Variants in CSMD1 observed in about 807,000 individuals in gnomAD.
CSMD1 encodes the protein CUB and sushi domain-containing protein 1.
A neutral mutation model predicts 417.5 loss-of-function variants in CSMD1; 213 were observed. The ratio of observed to expected loss-of-function variants is 0.51; its 90% CI spans 0.46 to 0.57. The LOEUF is 0.57. Among genes scored for constraint, CSMD1 ranks in the 20% least tolerant of loss-of-function variants. CSMD1 has a pLI of 0.00. For missense variants in CSMD1, 6,923 were observed against 4,529.7 expected (o/e 1.53, Z -15.17); for synonymous variants, 2,862 against 1,736.8 (o/e 1.65, Z -16.11).
intron 7 of CSMD1, among the ~76,000 whole-genome samples, chr8:3,641,990 T>G (rs990420734): frequency 6.6e-6 from 1 of 152,004 alleles, no homozygotes; most frequent in African/African-American, 2.4e-5. Flanking sequence ...TCCTAAGAGA[T>G]TAGCAGCCCC....
chr8:4,446,617 G>A (rs867264597), intron 2 of CSMD1, among the ~76,000 whole-genome samples: 3 of 152,076 alleles, frequency 2.0e-5, no homozygotes, highest in East Asian at 1.9e-4. Context: ...GCAGCAGCGC[G>A]ATCTCAGCTC....
chr8:4,929,411 C>G (rs894256309), intron 1 of CSMD1, among the ~76,000 whole-genome samples: 4 of 152,162 alleles, frequency 2.6e-5, no homozygotes, highest in African/African-American at 9.7e-5. Flanking sequence ...AACAGATATT[C>G]AAGAAATAGG....
chr8:3,311,255 C>A (rs747781269), intron 23 of CSMD1, among the ~76,000 whole-genome samples: 5 of 151,930 alleles, frequency 3.3e-5, no homozygotes, highest in African/African-American at 4.8e-5. Context: ...TAATAACAAA[C>A]AACTTTTTTT....
chr8:4,750,001 AAT>A (rs144819102), intron 1 of CSMD1, among the ~76,000 whole-genome samples: 2,102 of 151,854 alleles, frequency 0.014, 63 homozygotes, highest in African/African-American at 0.049. Context: ...TTGAAAAAAA[AAT>A]AATAATTATT....
intron 3 of CSMD1, among the ~76,000 whole-genome samples, chr8:4,329,276 G>C (rs1799732068): frequency 6.6e-6 from 1 of 152,100 alleles, no homozygotes; most frequent in South Asian, 2.1e-4. Context: ...TTACTAAAAT[G>C]CTTGAACAAA....
chr8:3,752,959 A>C (rs1005454560), intron 6 of CSMD1, among the ~76,000 whole-genome samples: 2 of 152,260 alleles, frequency 1.3e-5, no homozygotes, highest in African/African-American at 4.8e-5. Context: ...AAATTACTAA[A>C]ATCTCCAGCA....
At chr8:4,132,804 G>C (rs771461837) in intron 3 of CSMD1, among the ~76,000 whole-genome samples, 1 of 152,166 alleles carries the variant, frequency 6.6e-6, no homozygotes, top group African/African-American at 2.4e-5. Flanking sequence ...TGAATGTAAA[G>C]AAGAATTGAT....
intron 5 of CSMD1, among the ~76,000 whole-genome samples, chr8:3,984,489 G>C (rs1179338776): frequency 6.6e-6 from 1 of 151,746 alleles, no homozygotes; most frequent in African/African-American, 2.4e-5. Context: ...ATTAAATAAT[G>C]ACTAGCTCAT....
At chr8:4,530,194 C>T (rs1257770302) in intron 2 of CSMD1, among the ~76,000 whole-genome samples, 20 of 151,878 alleles carry the variant, frequency 1.3e-4, no homozygotes, top group South Asian at 1.0e-3. Flanking sequence ...ATTACAGGCA[C>T]GAGCCACCGC....
Position 2,951,150 on chromosome 8 carries a change from A to T in CSMD1, c.10165T>A (p.Phe3389Ile). ...NATSSKVNATFSEASPVELKL... is the reference protein window; with the variant it reads ...NATSSKVNATISEASPVELKL... Reference sequence around the variant, plus strand: ...AGCTCCACTGGCGAGGCTTCGCTGAAGGTGGCATTCACCTTACTGCTTGTT... The same window carrying T: ...AGCTCCACTGGCGAGGCTTCGCTGATGGTGGCATTCACCTTACTGCTTGTT... The change falls in exon 66 of 70, where the codon TTC becomes ATC. Residue 3389 changes from phenylalanine (F) to isoleucine (I), a missense_variant. Transcript: ENST00000635120. The T allele has an allele frequency of 6.2e-7, 1 of 1,613,606 alleles. No individual in the cohort carries two copies. Among genetic ancestry groups the T allele is most frequent in the Non-Finnish European group, 8.5e-7 (1 of 1,179,662 alleles).
chr8:4,305,117 A>G (rs990673928), intron 3 of CSMD1, among the ~76,000 whole-genome samples: 2 of 152,200 alleles, frequency 1.3e-5, no homozygotes, highest in African/African-American at 4.8e-5. Context: ...AAAATTTCAA[A>G]AATAATATTG....
intron 2 of CSMD1, among the ~76,000 whole-genome samples, chr8:4,539,824 T>G (rs923123451): frequency 6.6e-6 from 1 of 152,194 alleles, no homozygotes; most frequent in African/African-American, 2.4e-5. Flanking sequence ...AAGCATTATG[T>G]GTATGAAATA....
At chr8:4,849,476 T>G (rs1358668579) in intron 1 of CSMD1, among the ~76,000 whole-genome samples, 1 of 152,186 alleles carries the variant, frequency 6.6e-6, no homozygotes, top group African/African-American at 2.4e-5. Context: ...AGTAATCTCC[T>G]AGATCTCACG....
At chr8:4,249,241 G>A (rs1032933416) in intron 3 of CSMD1, among the ~76,000 whole-genome samples, 1 of 152,126 alleles carries the variant, frequency 6.6e-6, no homozygotes, top group African/African-American at 2.4e-5. Context: ...ATAGAAAAGG[G>A]CAAACATTTC....
At chr8:3,554,570 G>A (rs117792450) in intron 10 of CSMD1, among the ~76,000 whole-genome samples, 2 of 152,288 alleles carry the variant, frequency 1.3e-5, no homozygotes, top group Admixed American at 6.5e-5. Flanking sequence ...CCATGAAGAA[G>A]CTACAGCCCC....
intron 7 of CSMD1, among the ~76,000 whole-genome samples, 155 bp from the exon 8 acceptor site, chr8:3,616,952 T>C (rs1331152903): frequency 2.0e-5 from 3 of 150,038 alleles, no homozygotes; most frequent in Non-Finnish European, 3.0e-5. Context: ...TTCAAATAAG[T>C]GTTTATATTC....
intron 2 of CSMD1, among the ~76,000 whole-genome samples, chr8:4,574,493 T>A (rs117527870): frequency 6.6e-6 from 1 of 152,206 alleles, no homozygotes; most frequent in East Asian, 1.9e-4. Context: ...TCCATGTACC[T>A]CAGAGGGAAA....
chr8:4,718,280 C>A (rs1421315982), intron 1 of CSMD1, among the ~76,000 whole-genome samples: 2 of 152,178 alleles, frequency 1.3e-5, no homozygotes, highest in South Asian at 4.1e-4. Flanking sequence ...CTAAACCATA[C>A]AAATCTATCA....
intron 1 of CSMD1, among the ~76,000 whole-genome samples, chr8:4,888,686 T>C (rs527752159): frequency 2.6e-5 from 4 of 152,208 alleles, no homozygotes; most frequent in African/African-American, 9.6e-5. Flanking sequence ...CAGGGGTCCT[T>C]GAGGTAATGA....
Sources: allele counts gnomAD v4.1 joint callset (sites outside exome capture counted in the v4.1 genomes callset), GRCh38; gene constraint gnomAD v4.1.1; transcripts MANE v1.5; gene names NCBI Gene and HGNC (gene_info 2026-07-23, HGNC 2026-07-21).